The following EVPL variants were observed in gnomAD, a reference collection of about 807,000 sequenced individuals.
EVPL encodes 210 kDa cornified envelope precursor protein.
In EVPL, 94 loss-of-function variants were observed where a neutral mutation model predicts 129.7. The ratio of observed to expected loss-of-function variants is 0.72; its 90% CI spans 0.61 to 0.86. The LOEUF (loss-of-function observed/expected upper bound fraction) is 0.86, where lower values mean the gene tolerates loss of function less well. EVPL is among the 40% of genes least tolerant of loss of function. The pLI is 0.00. For missense variants in EVPL, 2,625 were observed against 2,721.1 expected (o/e 0.96, Z 0.79); for synonymous variants, 1,172 against 1,191.1 (o/e 0.98, Z 0.33).
Position 76,022,338 on chromosome 17 carries a change from C to G in EVPL, c.606+75G>C. On this transcript the variant is annotated intron_variant, in intron 5 of 21. Coordinates refer to ENST00000301607, the MANE Select transcript of EVPL (RefSeq NM_001988.4). The surrounding 1 kb of genome is among the most constrained non-coding windows in gnomAD (Gnocchi z 5.6). ...CCCACCCCTATCCCCAGGGCCCAGC[C>G]GATCTAGCTCCGGCTCTGACTGGAG... is the stretch of plus-strand genomic sequence containing the variant. 1 of 1,605,802 alleles carries G rather than the reference C, an allele frequency of 6.2e-7. No individual in the cohort carries two copies. Among genetic ancestry groups the G allele is most frequent in the Non-Finnish European group, 8.5e-7 (1 of 1,176,140 alleles).
rs751560928 is a variant in EVPL at position 76,022,374 on chromosome 17, G to C, written c.606+39C>G. On this transcript the variant is annotated intron_variant, in intron 5 of 21. Transcript: ENST00000301607. The surrounding 1 kb of genome is among the most constrained non-coding windows in gnomAD (Gnocchi z 5.6). ...CGGCTCTGACTGGAGAAACGGGCTG[G>C]GGCTGGCCCCGGATGTGACATCCTC... 5 of 1,612,430 alleles carry C rather than the reference G, an allele frequency of 3.1e-6. No individual in the cohort carries two copies. Among genetic ancestry groups the C allele is most frequent in the East Asian group, 2.2e-5 (1 of 44,860 alleles).
At chr17:76,023,803 G>A (rs1316993478) in intron 2 of EVPL, 149 bp from the exon 3 acceptor site, 47 of 1,358,422 alleles carry the variant, frequency 3.5e-5, no homozygotes, top group Non-Finnish European at 4.4e-5. Flanking sequence ...GGACCAGGGC[G>A]TCCGTGGGGC....
rs767967549 is a variant in EVPL at position 76,009,575 on chromosome 17, G to C, written c.3630C>G (p.Ile1210Met). 1.2e-6 allele frequency: 2 copies of C among 1,614,080 alleles called. No individual in the cohort carries two copies. The highest frequency in any genetic ancestry group is 2.2e-5 in the South Asian group (2 of 91,080). The change falls in exon 22 of 22, where the codon ATC becomes ATG. Residue 1210 changes from isoleucine to methionine, a missense_variant. This residue lies in a region of EVPL where 1,453 missense variants were observed against 1,511.8 expected (regional missense o/e 0.96). Transcript: ENST00000301607. The surrounding 1 kb of genome is among the most constrained non-coding windows in gnomAD (Gnocchi z 5.9). ...FQVDPETEQEITRLKAKLQEM... is the reference protein window; with the variant it reads ...FQVDPETEQEMTRLKAKLQEM... ...CCTGCAGCTTGGCCTTGAGCCGAGT[G>C]ATCTCCTGCTCTGTCTCCGGATCCA...
chr17:76,009,675 T>C lies in EVPL; in HGVS notation c.3530A>G (p.His1177Arg). ...CTTCTCCACCACGCTGTACTTGCTG[T>C]GCAGGTCGCTCAGCTCCCTGGCCAG... Reference protein sequence around the residue: ...ATLARELSDLHSKYSVVEKQR... With the variant: ...ATLARELSDLRSKYSVVEKQR... The change falls in exon 22 of 22, where the codon CAC (histidine) becomes CGC (arginine). Residue 1177 changes from histidine (H) to arginine (R), a missense_variant. By Grantham distance (29) the His-to-Arg change is conservative. Coordinates refer to ENST00000301607, the MANE Select transcript of EVPL (RefSeq NM_001988.4). The surrounding 1 kb of genome is among the most constrained non-coding windows in gnomAD (Gnocchi z 5.9). 6.2e-7 allele frequency: 1 copy of C among 1,613,626 alleles called. No individual in the cohort carries two copies. Among genetic ancestry groups the C allele is most frequent in the Non-Finnish European group, 8.5e-7 (1 of 1,180,020 alleles).
At position 76,011,624 on chromosome 17, in the gene EVPL, C is replaced by T. The variant is rs2066377134; in HGVS notation, c.2613G>A (p.Gln871=). The change falls in exon 21 of 22, where the codon CAG becomes CAA. Residue 871 remains glutamine (Q), a synonymous_variant. Coordinates refer to ENST00000301607, the MANE Select transcript of EVPL (RefSeq NM_001988.4). ...ACTCCAGCTGCTGGAGCAGCTGCTG[C>T]TGTGCTGCTGCAACCTCAGTATAGG... ...AKAYTEVAAA[Q]QQLLQQLEFA... 6.2e-7 allele frequency: 1 copy of T among 1,614,108 alleles called. No individual in the cohort carries two copies. The highest frequency in any genetic ancestry group is 8.5e-7 in the Non-Finnish European group (1 of 1,180,042).
intron 8 of EVPL, 33 bp from the exon 9 acceptor site, chr17:76,021,596 G>GCC (rs200115767): frequency 0.58 from 798,771 of 1,372,956 alleles, 195,240 homozygotes; most frequent in African/African-American, 0.67. Context: ...CTCGGACCAC[G>GCC]CCCCCCCCAC....
At position 76,009,402 on chromosome 17, in the gene EVPL, C is replaced by T. The variant is rs201259622; in HGVS notation, c.3803G>A (p.Arg1268His). The T allele has an allele frequency of 7.4e-6, 12 of 1,614,020 alleles. No homozygotes were observed. In the East Asian group the frequency reaches 1.6e-4, roughly 21 times the overall value. ...CTGAGCCTTCAGGCGGTCGATCTCA[C>T]GCAGCACCTCGGGGCTCCTCTCATG... ...VRHERSPEVL[R>H]EIDRLKAQLN... The change falls in exon 22 of 22, where the codon CGT becomes CAT. Residue 1268 changes from arginine to histidine, a missense_variant. Around this residue, in one of 4 missense-constraint regions of EVPL, gnomAD observed 1,453 missense variants for 1,511.8 expected, o/e 0.96. Coordinates refer to ENST00000301607, the MANE Select transcript of EVPL (RefSeq NM_001988.4). This position sits in a 1 kb window ranked among gnomAD's most constrained non-coding sequence, Gnocchi z 5.9.
chr17:76,015,670 C>A, intron 14 of EVPL, 42 bp from the exon 15 acceptor site: 1 of 1,574,610 alleles, frequency 6.4e-7, no homozygotes. Flanking sequence ...CAGGTGGGTT[C>A]CGCCCGACTC....
rs2066359597 is a variant in EVPL at position 76,009,761 on chromosome 17, G to A, written c.3444C>T (p.Leu1148=). ...EVKKVEQDPG[L]LQESSRLRSL... is the part of the protein sequence containing the mutation. ...TCCTCAGCCTGGAGGACTCCTGGAG[G>A]AGCCCTGGGTCCTGCTCCACCTTCT... is the stretch of plus-strand genomic sequence containing the variant. Residue 1148 remains leucine (L), a synonymous_variant, in exon 22 of 22, where the codon CTC becomes CTT. Coordinates refer to ENST00000301607, the MANE Select transcript of EVPL (RefSeq NM_001988.4). This position sits in a 1 kb window ranked among gnomAD's most constrained non-coding sequence, Gnocchi z 5.9. 6.2e-7 allele frequency: 1 copy of A among 1,613,794 alleles called. No individual in the cohort carries two copies. Among genetic ancestry groups the A allele is most frequent in the African/African-American group, 1.3e-5 (1 of 75,016 alleles).
rs746329509 is a variant in EVPL, at chr17:76,014,987, C to A, written c.2151G>T (p.Leu717=). 2.5e-6 allele frequency: 4 copies of A among 1,596,532 alleles called. No individual in the cohort carries two copies. Among genetic ancestry groups the A allele is most frequent in the South Asian group, 1.1e-5 (1 of 90,920 alleles). ...CTCGCACCTGGCGCTGCTGGCGAGG[C>A]AGGTCTTGGCAGAACTCCTGGAAGT... The part of the protein sequence containing the change: ...QNNFQEFCQD[L]PRQQRQVRAL... The change falls in exon 17 of 22, where the codon CTG becomes CTT. Residue 717 remains leucine, a synonymous_variant. Transcript: ENST00000301607.
At position 76,012,132 on chromosome 17, in the gene EVPL, A is replaced by G. The variant is rs1218897521; in HGVS notation, c.2374-43T>C. On this transcript the variant is annotated intron_variant, in intron 18 of 21. Coordinates refer to ENST00000301607, the MANE Select transcript of EVPL (RefSeq NM_001988.4). The stretch of plus-strand genomic sequence containing the variant: ...AGAGTCAGGAGGCCAGGAAATGCCA[A>G]TCACCCTGACTCTCCTCTAGCCAGT... 4.7e-6 allele frequency: 7 copies of G among 1,492,840 alleles called. No homozygotes were observed. In the Admixed American group the frequency reaches 5.5e-5, roughly 12 times the overall value. 92.5% of individuals were successfully genotyped at this position (1,492,840 alleles called of 1,614,324 possible).
At position 76,015,548 on chromosome 17, in the gene EVPL, C is replaced by T; in HGVS notation, c.1791G>A (p.Arg597=). Residue 597 remains arginine, a synonymous_variant, in exon 15 of 22, where the codon CGG becomes CGA. Coordinates refer to ENST00000301607, the MANE Select transcript of EVPL (RefSeq NM_001988.4). ...GCTGCAGGGCAGCGGGGCCCACGGGCCGCGTGGACAGAAACGCCTCGCACT... is the reference window on the plus strand; with the variant it reads ...GCTGCAGGGCAGCGGGGCCCACGGGTCGCGTGGACAGAAACGCCTCGCACT... ...QKECEAFLST[R]PVGPAALQLP... 1 of 1,613,038 alleles carries T rather than the reference C, an allele frequency of 6.2e-7. No homozygotes were observed.
At chr17:76,015,429 C>T (rs1224100855) in intron 15 of EVPL, 21 bp downstream of exon 15, 6 of 1,608,236 alleles carry the variant, frequency 3.7e-6, no homozygotes, top group Non-Finnish European at 5.1e-6. Flanking sequence ...TGCGTGGCTG[C>T]CCTGTCCCCA....
intron 14 of EVPL, among the ~76,000 whole-genome samples, chr17:76,017,488 G>A (rs190367356): frequency 1.3e-5 from 2 of 152,260 alleles, no homozygotes; most frequent in Non-Finnish European, 2.9e-5. Flanking sequence ...ATGATCAGGC[G>A]AGCTGGGCAT....
rs780203134 is a variant in EVPL at position 76,024,016 on chromosome 17, C to T, written c.198+5G>A. ...ACGCCCTGCCAACTGCTGCCGGGGC[C>T]TCACCTGCTGCAGCCTCTTCTGCGT... On this transcript the variant is annotated splice_donor_5th_base_variant and intron_variant, in intron 2 of 21. Transcript: ENST00000301607. This position sits in a 1 kb window ranked among gnomAD's most constrained non-coding sequence, Gnocchi z 4.5. 17 of 1,611,494 alleles carry T rather than the reference C, an allele frequency of 1.1e-5. No homozygotes were observed. The highest frequency in any genetic ancestry group is 4.4e-5 in the South Asian group (4 of 90,484).
Position 76,014,547 on chromosome 17 carries a change from G to A in EVPL, c.2252C>T (p.Thr751Ile). Residue 751 changes from threonine to isoleucine, a missense_variant, in exon 18 of 22, where the codon ACC becomes ATC. By Grantham distance (89) the Thr-to-Ile change is moderately conservative (BLOSUM62 -1). This residue lies in a region of EVPL where 1,024 missense variants were observed against 997.5 expected (regional missense o/e 1.03). Coordinates refer to ENST00000301607, the MANE Select transcript of EVPL (RefSeq NM_001988.4). ...CTTGCAGTTCTTGAACTGCTGGTAG[G>A]TGAGGGCGGCATCCTGCACCACCTT... Reference protein sequence around the residue: ...REKVVQDAALTYQQFKNCKDN... With the variant: ...REKVVQDAALIYQQFKNCKDN... 1 of 1,612,354 alleles carries A rather than the reference G, an allele frequency of 6.2e-7. No homozygotes were observed. The highest frequency in any genetic ancestry group is 8.5e-7 in the Non-Finnish European group (1 of 1,179,614).
In EVPL at chr17:76,012,100, A is replaced by G. The variant is rs377171670; in HGVS notation, c.2374-11T>C. 4.5e-5 allele frequency: 73 copies of G among 1,605,360 alleles called. No homozygotes were observed. The African/African-American group carries it at 6.3e-4, about 14-fold the overall frequency. ...CTCCTGCGTCAGCCTCTGCCAGGGA[A>G]GAACCCAGAGTCAGGAGGCCAGGAA... On this transcript the variant is annotated splice_polypyrimidine_tract_variant and intron_variant, in intron 18 of 21. Transcript: ENST00000301607.
chr17:76,021,552 C>T lies in EVPL; in HGVS notation c.927G>A (p.Glu309=). The T allele has an allele frequency of 6.2e-7, 1 of 1,606,110 alleles. No individual in the cohort carries two copies. The highest frequency in any genetic ancestry group is 1.3e-5 in the African/African-American group (1 of 74,854). ...PAVGPIQAHQ[E]ALKMEWQNFL... ...AGTTCTGCCACTCCATCTTCAGGGC[C>T]TCCTGGTGGGCCTGGGTACGGCAGC... The change falls in exon 9 of 22, where the codon GAG becomes GAA. Residue 309 remains glutamate (E), a synonymous_variant. Coordinates refer to ENST00000301607, the MANE Select transcript of EVPL (RefSeq NM_001988.4).
Position 76,007,701 on chromosome 17 carries a change from G to C in EVPL, c.5504C>G (p.Thr1835Arg), listed in dbSNP as rs763642952. 5.6e-6 allele frequency: 9 copies of C among 1,613,472 alleles called. No homozygotes were observed. Among genetic ancestry groups the C allele is most frequent in the Non-Finnish European group, 6.8e-6 (8 of 1,179,686 alleles). The change falls in exon 22 of 22, where the codon ACA (threonine) becomes AGA (arginine). Residue 1835 changes from threonine (T) to arginine (R), a missense_variant. Thr to Arg is a moderately conservative substitution (Grantham distance 71). This residue lies in a region of EVPL where 1,453 missense variants were observed against 1,511.8 expected (regional missense o/e 0.96). Transcript: ENST00000301607. This position sits in a 1 kb window ranked among gnomAD's most constrained non-coding sequence, Gnocchi z 8.8. Reference sequence around the variant, plus strand: ...CGTCTTGATGCTGCACTTGTTGTCTGTGGTTGTGTCATAGATCCCGGCGAT... The same window carrying C: ...CGTCTTGATGCTGCACTTGTTGTCTCTGGTTGTGTCATAGATCCCGGCGAT... ...FPIAGIYDTT[T>R]DNKCSIKTAV... is the part of the protein sequence containing the mutation.
Sources: gnomAD v4.1 joint callset for allele counts (sites outside exome capture counted in the v4.1 genomes callset) on GRCh38, gnomAD v4.1.1 for gene constraint, gnomAD v4.1.1 regional missense constraint, Gnocchi (gnomAD v3.1) non-coding constraint, MANE v1.5 for transcripts, NCBI Gene and HGNC (gene_info 2026-07-23, HGNC 2026-07-21) for gene names.